Variants in DGKB observed in about 807,000 individuals in gnomAD.
DGKB encodes 90 kDa diacylglycerol kinase.
In DGKB, 67 loss-of-function variants were observed where a neutral mutation model predicts 114.3. That is an observed-to-expected ratio of 0.59 (90% CI 0.48 to 0.72). DGKB has a LOEUF of 0.72. DGKB is among the 30% of genes least tolerant of loss of function. The pLI is 0.00. For synonymous variants in DGKB, 398 were observed against 323.1 expected (o/e 1.23, Z -2.49); for missense variants, 907 against 975.2 (o/e 0.93, Z 0.93).
intron 13 of DGKB, among the ~76,000 whole-genome samples, chr7:14,647,778 TG>T (rs1169485296): frequency 6.6e-6 from 1 of 152,204 alleles, no homozygotes; most frequent in Non-Finnish European, 1.5e-5. Flanking sequence ...CGCAGGTCAG[TG>T]GTCGCGCGCA....
intron 1 of DGKB, among the ~76,000 whole-genome samples, chr7:14,918,739 A>C (rs1313376505): frequency 1.3e-5 from 2 of 152,078 alleles, no homozygotes; most frequent in African/African-American, 4.8e-5. Context: ...AATTTCAGCA[A>C]GTTATTTTCA....
chr7:14,704,910 G>A (rs1237765300), intron 6 of DGKB, among the ~76,000 whole-genome samples: 12 of 152,120 alleles, frequency 7.9e-5, no homozygotes, highest in East Asian at 2.0e-4. Flanking sequence ...AAATCAGAGC[G>A]CCTCTCCTCC....
chr7:14,308,682 G>C (rs1049569422), intron 23 of DGKB, among the ~76,000 whole-genome samples: 1 of 152,142 alleles, frequency 6.6e-6, no homozygotes, highest in Non-Finnish European at 1.5e-5. Context: ...GTAGATAAAA[G>C]GGAAATGTGT....
chr7:14,827,307 G>A (rs1845830389), intron 2 of DGKB, among the ~76,000 whole-genome samples: 2 of 152,076 alleles, frequency 1.3e-5, no homozygotes, highest in South Asian at 4.1e-4. Context: ...TTTGACCTGT[G>A]GAATGGTCAC....
intron 10 of DGKB, among the ~76,000 whole-genome samples, chr7:14,684,012 A>G (rs1821268621): frequency 6.6e-6 from 1 of 152,130 alleles, no homozygotes; most frequent in Admixed American, 6.6e-5. Context: ...TCTTAAATAT[A>G]ATAGAACTTT....
At chr7:14,575,934 G>A (rs1198281286) in intron 19 of DGKB, among the ~76,000 whole-genome samples, 3 of 152,098 alleles carry the variant, frequency 2.0e-5, no homozygotes, top group Admixed American at 6.6e-5. Context: ...CACTTAAGGT[G>A]TATCTGTTCA....
At chr7:14,915,362 C>T (rs574755271) in intron 1 of DGKB, among the ~76,000 whole-genome samples, 106 of 152,200 alleles carry the variant, frequency 7.0e-4, no homozygotes, top group Non-Finnish European at 1.3e-3. Flanking sequence ...TGGCCTGAAT[C>T]ACCGAATGTG....
At chr7:14,363,161 T>A (rs1816054873) in intron 21 of DGKB, among the ~76,000 whole-genome samples, 1 of 152,114 alleles carries the variant, frequency 6.6e-6, no homozygotes, top group African/African-American at 2.4e-5. Context: ...ACTGCCAGAC[T>A]AATTGACAGA....
chr7:14,731,405 CAT>C (rs574648268), intron 5 of DGKB, among the ~76,000 whole-genome samples: 10 of 151,884 alleles, frequency 6.6e-5, no homozygotes, highest in South Asian at 4.2e-4. Flanking sequence ...CAAAAAAAGT[CAT>C]GTGTTGAAAT....
At chr7:14,497,435 T>C (rs1389033456) in intron 20 of DGKB, among the ~76,000 whole-genome samples, 1 of 151,898 alleles carries the variant, frequency 6.6e-6, no homozygotes, top group East Asian at 1.9e-4. Flanking sequence ...GACTGTGTTA[T>C]ACTTTTGGGA....
At chr7:14,393,864 T>G (rs1297704619) in intron 21 of DGKB, among the ~76,000 whole-genome samples, 1 of 152,054 alleles carries the variant, frequency 6.6e-6, no homozygotes, top group Admixed American at 6.5e-5. Flanking sequence ...ATGTTACATA[T>G]AACATGAAGA....
rs150466055 is a variant in DGKB, at chr7:14,404,384, C to T, written c.1836-58993G>A. 5.6e-3 allele frequency among the ~76,000 whole-genome samples: 853 copies of T among 151,848 alleles called. 5 individuals are homozygous for T. Among genetic ancestry groups the T allele is most frequent in the African/African-American group, 0.019 (784 of 41,440 alleles). ...GTTACATACACACCTTTCCAACTCT[C>T]GTGGGAGTCAAATGCTTAGAAGAAC... is the stretch of plus-strand genomic sequence containing the variant. On this transcript the variant is annotated intron_variant, in intron 21 of 25. Transcript: ENST00000402815.
At chr7:14,251,267 A>G (rs1795196753) in intron 23 of DGKB, among the ~76,000 whole-genome samples, 3 of 151,702 alleles carry the variant, frequency 2.0e-5, no homozygotes, top group African/African-American at 2.4e-5. Context: ...ACTGTGATTC[A>G]TTTCTCTTTT....
At chr7:14,602,222 G>A (rs931351161) in intron 17 of DGKB, among the ~76,000 whole-genome samples, 1 of 152,128 alleles carries the variant, frequency 6.6e-6, no homozygotes, top group African/African-American at 2.4e-5. Flanking sequence ...ATTTAGCCCA[G>A]GATGGATCAT....
At chr7:14,690,566 C>T (rs1822651190) in intron 9 of DGKB, among the ~76,000 whole-genome samples, 1 of 152,216 alleles carries the variant, frequency 6.6e-6, no homozygotes, top group Non-Finnish European at 1.5e-5. Context: ...CAAACCTGGC[C>T]AGCAACCTGT....
At chr7:14,541,303 C>T (rs551155746) in intron 20 of DGKB, among the ~76,000 whole-genome samples, 1 of 152,284 alleles carries the variant, frequency 6.6e-6, no homozygotes, top group Admixed American at 6.5e-5. Flanking sequence ...ATCAATATCA[C>T]TTCATTTGTG....
intron 17 of DGKB, among the ~76,000 whole-genome samples, chr7:14,595,122 C>T (rs754769230): frequency 1.1e-4 from 16 of 151,802 alleles, no homozygotes; most frequent in South Asian, 2.1e-4. Context: ...AGTTGAATCT[C>T]GAAGCTTAGG....
Position 14,148,545 on chromosome 7 carries a change from G to C in DGKB, c.*586C>G, listed in dbSNP as rs544807502. 5.2e-5 allele frequency: 8 copies of C among 152,538 alleles called. No homozygotes were observed. Among genetic ancestry groups the C allele is most frequent in the Admixed American group, 4.6e-4 (7 of 15,270 alleles). 9.4% of individuals were successfully genotyped at this position (152,538 alleles called of 1,614,324 possible). The stretch of plus-strand genomic sequence containing the variant: ...TTCAGCATGAGAAAACCTTATGCCT[G>C]ATATTTTTATTTCCACTCAGAAGAG... On this transcript the variant is annotated 3_prime_UTR_variant, in exon 26 of 26. Coordinates refer to ENST00000402815, the MANE Select transcript of DGKB (RefSeq NM_001350709.2).
rs1396142477 is a variant in DGKB at position 14,146,775 on chromosome 7, A to AT, written c.*2355_*2356insA. ...GGGTACCAAAGAATCCATCTGACTG[A>AT]AAATGTAACCACTATTAGCACTAAT... is the stretch of plus-strand genomic sequence containing the variant. On this transcript the variant is annotated 3_prime_UTR_variant, in exon 26 of 26. Transcript: ENST00000402815. 2 of 152,172 alleles carry AT rather than the reference A, an allele frequency of 1.3e-5. No individual in the cohort carries two copies. Among genetic ancestry groups the AT allele is most frequent in the Non-Finnish European group, 2.9e-5 (2 of 68,002 alleles). 9.4% of individuals were successfully genotyped at this position (152,172 alleles called of 1,614,324 possible).
Sources: allele counts gnomAD v4.1 joint callset (sites outside exome capture counted in the v4.1 genomes callset), GRCh38; gene constraint gnomAD v4.1.1; transcripts MANE v1.5; gene names NCBI Gene and HGNC (gene_info 2026-07-23, HGNC 2026-07-21).